ARID2: variants seen among roughly 807,000 people sequenced by gnomAD.
ARID2 encodes AT-rich interaction domain 2.
In ARID2, 32 loss-of-function variants were observed where a neutral mutation model predicts 184.6. The ratio of observed to expected loss-of-function variants is 0.17; its 90% CI spans 0.13 to 0.23. ARID2 has a LOEUF of 0.23. Among genes scored for constraint, ARID2 ranks in the 10% least tolerant of loss-of-function variants. The pLI is 1.00. For synonymous variants in ARID2, 836 were observed against 772.6 expected (o/e 1.08, Z -1.36); for missense variants, 1,696 against 2,197.6 (o/e 0.77, Z 4.56).
intron 16 of ARID2, among the ~76,000 whole-genome samples, chr12:45,865,265 C>G (rs1943814301): frequency 6.6e-6 from 1 of 152,082 alleles, no homozygotes; most frequent in Non-Finnish European, 1.5e-5. Context: ...TTCTCCCACA[C>G]CAAAAATCCC....
chr12:45,875,154 G>C (rs892209645), intron 16 of ARID2, among the ~76,000 whole-genome samples: 1 of 152,108 alleles, frequency 6.6e-6, no homozygotes, highest in African/African-American at 2.4e-5. Context: ...GTGACTGCTT[G>C]TTCCATGGGC....
At chr12:45,768,943 C>T (rs1451373431) in intron 3 of ARID2, among the ~76,000 whole-genome samples, 1 of 152,166 alleles carries the variant, frequency 6.6e-6, no homozygotes, top group African/African-American at 2.4e-5. Context: ...TTCATGGTGA[C>T]TTTGGGACTA....
At chr12:45,759,710 T>C (rs1209070896) in intron 3 of ARID2, among the ~76,000 whole-genome samples, 4 of 152,140 alleles carry the variant, frequency 2.6e-5, no homozygotes, top group Non-Finnish European at 4.4e-5. Context: ...AAATTAAATT[T>C]AGGAAATTTT....
chr12:45,903,400 T>C (rs1479029677), intron 20 of ARID2, among the ~76,000 whole-genome samples: 1 of 152,214 alleles, frequency 6.6e-6, no homozygotes, highest in East Asian at 1.9e-4. Context: ...TGCTACATGA[T>C]GCCAACCAAT....
intron 20 of ARID2, among the ~76,000 whole-genome samples, chr12:45,900,291 C>T (rs1016462721): frequency 6.6e-6 from 1 of 152,124 alleles, no homozygotes; most frequent in African/African-American, 2.4e-5. Context: ...CAATTCCTGA[C>T]CTCAAGTGAT....
At chr12:45,823,711 C>T (rs1209845785) in intron 6 of ARID2, among the ~76,000 whole-genome samples, 1 of 152,050 alleles carries the variant, frequency 6.6e-6, no homozygotes, top group East Asian at 1.9e-4. Flanking sequence ...AATACTTGGA[C>T]ACATACAACC....
Position 45,802,473 on chromosome 12 carries a change from G to C in ARID2, c.285-8945G>C, listed in dbSNP as rs559475755. ...CCCTTTAAAAAATGTTCCATATTGCGTGAATTTCTTTTAAAAGTAATTACT... is the reference window on the plus strand; with the variant it reads ...CCCTTTAAAAAATGTTCCATATTGCCTGAATTTCTTTTAAAAGTAATTACT... On this transcript the variant is annotated intron_variant, in intron 3 of 20. Coordinates refer to ENST00000334344, the MANE Select transcript of ARID2 (RefSeq NM_152641.4). Among the ~76,000 whole-genome samples the C allele has an allele frequency of 5.9e-5, 9 of 152,072 alleles. No homozygotes were observed. The South Asian group carries it at 1.9e-3, about 32-fold the overall frequency.
intron 20 of ARID2, among the ~76,000 whole-genome samples, chr12:45,903,133 T>C (rs1944479707): frequency 6.6e-6 from 1 of 152,218 alleles, no homozygotes; most frequent in Admixed American, 6.5e-5. Context: ...GAACTTTCTA[T>C]ATGTGAAATC....
chr12:45,836,197 T>G (rs1943217914), intron 6 of ARID2, among the ~76,000 whole-genome samples: 1 of 152,184 alleles, frequency 6.6e-6, no homozygotes, highest in Admixed American at 6.5e-5. Context: ...TGTGTGACTA[T>G]TTTTTAAAAC....
intron 3 of ARID2, among the ~76,000 whole-genome samples, chr12:45,793,175 C>T (rs1942323670): frequency 6.6e-6 from 1 of 151,944 alleles, no homozygotes; most frequent in Non-Finnish European, 1.5e-5. Context: ...TGTTGGGCAC[C>T]TATAATCCCA....
intron 2 of ARID2, 110 bp from the exon 3 acceptor site, chr12:45,731,107 T>G (rs1323933907): frequency 9.4e-6 from 7 of 747,672 alleles, no homozygotes; most frequent in Non-Finnish European, 1.6e-5. Flanking sequence ...AAACACCCAC[T>G]GATGCCTTAG....
At position 45,849,106 on chromosome 12, in the gene ARID2, T is replaced by C. The variant is rs181484781; in HGVS notation, c.1715+136T>C. 737 of 943,972 alleles carry C rather than the reference T, an allele frequency of 7.8e-4. 5 individuals carry two copies. The African/African-American group carries it at 0.011, about 15-fold the overall frequency. 58.5% of individuals were successfully genotyped at this position (943,972 alleles called of 1,614,324 possible). Reference sequence around the variant, plus strand: ...GAAGTTTCGTATGGATAGGTTATAGTGTGGTGGAGGTTTAAATAAAAAGCA... The same window carrying C: ...GAAGTTTCGTATGGATAGGTTATAGCGTGGTGGAGGTTTAAATAAAAAGCA... On this transcript the variant is annotated intron_variant, in intron 13 of 20. Coordinates refer to ENST00000334344, the MANE Select transcript of ARID2 (RefSeq NM_152641.4).
intron 6 of ARID2, among the ~76,000 whole-genome samples, chr12:45,822,617 T>G (rs1942919659): frequency 6.6e-6 from 1 of 152,186 alleles, no homozygotes; most frequent in South Asian, 2.1e-4. Flanking sequence ...ACTTTATTTT[T>G]TATTTTCATT....
chr12:45,737,419 TG>T (rs1941153228), intron 3 of ARID2, among the ~76,000 whole-genome samples: 1 of 151,954 alleles, frequency 6.6e-6, no homozygotes, highest in Admixed American at 6.6e-5. Flanking sequence ...TTCTTTAGAC[TG>T]TCTTAAATTC....
chr12:45,749,172 A>G (rs571362040), intron 3 of ARID2, among the ~76,000 whole-genome samples: 3 of 152,382 alleles, frequency 2.0e-5, no homozygotes, highest in East Asian at 1.9e-4. Context: ...TAGAAAGTCA[A>G]AATGACTCCT....
rs2138154322 is a variant in ARID2, at chr12:45,848,899, A to G, written c.1644A>G (p.Glu548=). ...CSVSRAEMYS[E]YLSTCSKLAR... is the part of the protein sequence containing the mutation. ...TTTCTCGAGCAGAAATGTATTCTGA[A>G]TACCTCTCGACTTGCAGTAAATTAG... is the stretch of plus-strand genomic sequence containing the variant. The change falls in exon 13 of 21, where the codon GAA becomes GAG. Residue 548 remains glutamate, a synonymous_variant. Coordinates refer to ENST00000334344, the MANE Select transcript of ARID2 (RefSeq NM_152641.4). 1 of 1,612,666 alleles carries G rather than the reference A, an allele frequency of 6.2e-7. No homozygotes were observed. The highest frequency in any genetic ancestry group is 8.5e-7 in the Non-Finnish European group (1 of 1,179,090).
At chr12:45,777,357 A>G (rs891394394) in intron 3 of ARID2, among the ~76,000 whole-genome samples, 4 of 152,172 alleles carry the variant, frequency 2.6e-5, no homozygotes, top group Middle Eastern at 3.2e-3. Flanking sequence ...GTAGTGTAAT[A>G]AGTATTAATG....
intron 16 of ARID2, among the ~76,000 whole-genome samples, chr12:45,879,643 G>A (rs1185694612): frequency 6.6e-6 from 1 of 152,214 alleles, no homozygotes; most frequent in Non-Finnish European, 1.5e-5. Context: ...GATCCAGGAG[G>A]AGTTGTAAAT....
intron 5 of ARID2, among the ~76,000 whole-genome samples, chr12:45,819,722 G>C (rs895368021): frequency 6.6e-6 from 1 of 151,026 alleles, no homozygotes; most frequent in African/African-American, 2.4e-5. Context: ...TATTTGCTTG[G>C]TGGGTTTTTT....
Sources: gnomAD v4.1 joint callset for allele counts (sites outside exome capture counted in the v4.1 genomes callset) on GRCh38, gnomAD v4.1.1 for gene constraint, MANE v1.5 for transcripts, NCBI Gene and HGNC (gene_info 2026-07-23, HGNC 2026-07-21) for gene names.